The following SPTLC1 variants were observed in gnomAD, a reference collection of about 807,000 sequenced individuals.
SPTLC1 encodes serine palmitoyltransferase long chain base subunit 1.
SPTLC1 carries 55 observed loss-of-function variants against 68.9 expected under a neutral mutation model. The observed-to-expected ratio is 0.80, with a 90% CI of 0.64 to 1.00. The LOEUF (loss-of-function observed/expected upper bound fraction) is 1.00. SPTLC1 is among the 50% of genes least tolerant of loss of function. The probability of loss-of-function intolerance (pLI) is 0.00; values close to 1 mark genes in which losing one functional copy is unlikely to be tolerated. For synonymous variants in SPTLC1, 197 were observed against 201.6 expected, an observed-to-expected ratio of 0.98 and a Z score of 0.19; for missense variants, 449 against 573.1, an observed-to-expected ratio of 0.78 and a Z score of 2.21.
chr9:92,093,916 T>C (rs1262498694), intron 3 of SPTLC1, among the ~76,000 whole-genome samples: 1 of 152,192 alleles, frequency 6.6e-6, no homozygotes, highest in Non-Finnish European at 1.5e-5. Flanking sequence ...TCATGAGAAC[T>C]GTGTACATAC....
At chr9:92,081,743 G>T (rs772292193) in intron 3 of SPTLC1, among the ~76,000 whole-genome samples, 2 of 152,152 alleles carry the variant, frequency 1.3e-5, no homozygotes, top group Non-Finnish European at 2.9e-5. Flanking sequence ...AAATAGAACG[G>T]AAAAGAAAAT....
At chr9:92,055,228 T>C in intron 8 of SPTLC1, 177 bp downstream of exon 8, 1 of 985,384 alleles carries the variant, frequency 1.0e-6, no homozygotes, top group Non-Finnish European at 1.2e-6. Flanking sequence ...TGATTACTCT[T>C]TGAAGGCCAG....
At chr9:92,057,430 G>T (rs1164135411) in intron 7 of SPTLC1, among the ~76,000 whole-genome samples, 5 of 152,204 alleles carry the variant, frequency 3.3e-5, no homozygotes, top group Admixed American at 3.3e-4. Flanking sequence ...GAAAGGCAGT[G>T]CCAATTTAAA....
At chr9:92,041,787 T>C (rs1833356877) in intron 12 of SPTLC1, among the ~76,000 whole-genome samples, 1 of 152,224 alleles carries the variant, frequency 6.6e-6, no homozygotes, top group Admixed American at 6.5e-5. Flanking sequence ...AACGGTTTTC[T>C]CAAGAATGCA....
intron 7 of SPTLC1, among the ~76,000 whole-genome samples, chr9:92,058,595 G>T (rs1444716256): frequency 1.3e-5 from 2 of 152,090 alleles, no homozygotes; most frequent in African/African-American, 4.8e-5. Flanking sequence ...CCATCACCTG[G>T]GTTATGTTAG....
intron 3 of SPTLC1, among the ~76,000 whole-genome samples, chr9:92,090,001 TA>T (rs1442727689): frequency 6.6e-6 from 1 of 152,176 alleles, no homozygotes; most frequent in Non-Finnish European, 1.5e-5. Flanking sequence ...GGAGGTAAAA[TA>T]AAAACATTTC....
At chr9:92,069,577 G>T (rs1056324925) in intron 5 of SPTLC1, among the ~76,000 whole-genome samples, 1 of 152,174 alleles carries the variant, frequency 6.6e-6, no homozygotes, top group Non-Finnish European at 1.5e-5. Flanking sequence ...GATGCTATCA[G>T]AAAAGGTTTC....
At chr9:92,033,483 G>C (rs1311307962) in intron 14 of SPTLC1, among the ~76,000 whole-genome samples, 1 of 152,118 alleles carries the variant, frequency 6.6e-6, no homozygotes, top group African/African-American at 2.4e-5. Flanking sequence ...GAGTCCTGAG[G>C]GCACAAAACC....
chr9:92,077,836 CTCCAATTCT>C (rs1834738301), intron 5 of SPTLC1, among the ~76,000 whole-genome samples: 1 of 152,166 alleles, frequency 6.6e-6, no homozygotes, highest in African/African-American at 2.4e-5. Context: ...GCAAGGTACT[CTCCAATTCT>C]TCCACCCTGA....
intron 3 of SPTLC1, among the ~76,000 whole-genome samples, chr9:92,105,881 C>T (rs1407682024): frequency 4.0e-5 from 6 of 149,036 alleles, no homozygotes; most frequent in Non-Finnish European, 8.9e-5. Flanking sequence ...TCTGCCTTGC[C>T]GCCGTCCTGT....
At chr9:92,089,953 A>T (rs148577224) in intron 3 of SPTLC1, among the ~76,000 whole-genome samples, 64 of 152,360 alleles carry the variant, frequency 4.2e-4, no homozygotes, top group Middle Eastern at 3.4e-3. Flanking sequence ...GCAAATAATG[A>T]TCCACTTAGA....
chr9:92,072,751 C>A (rs975979930), intron 5 of SPTLC1, among the ~76,000 whole-genome samples: 2 of 152,016 alleles, frequency 1.3e-5, no homozygotes, highest in African/African-American at 4.8e-5. Context: ...CTCTATTTTG[C>A]GGGACTTAGA....
intron 5 of SPTLC1, among the ~76,000 whole-genome samples, chr9:92,073,178 T>C (rs1834559105): frequency 6.6e-6 from 1 of 152,186 alleles, no homozygotes; most frequent in Admixed American, 6.5e-5. Flanking sequence ...TCTCTATATC[T>C]GACCTTTCCC....
At chr9:92,032,603 C>T (rs372893288) in intron 14 of SPTLC1, 45 bp from the exon 15 acceptor site, 88 of 1,612,752 alleles carry the variant, frequency 5.5e-5, no homozygotes, top group East Asian at 4.5e-5. Context: ...GTGGGCCAGG[C>T]GCAGTGGCTC....
At chr9:92,074,308 C>A (rs971444742) in intron 5 of SPTLC1, among the ~76,000 whole-genome samples, 1 of 152,066 alleles carries the variant, frequency 6.6e-6, no homozygotes, top group Non-Finnish European at 1.5e-5. Flanking sequence ...AACTCTGGTA[C>A]CAAATCAGGC....
intron 12 of SPTLC1, among the ~76,000 whole-genome samples, chr9:92,041,390 T>C (rs980667333): frequency 3.4e-4 from 52 of 152,118 alleles, no homozygotes; most frequent in African/African-American, 1.1e-3. Context: ...AATGAGACAG[T>C]GCATAAAAAT....
chr9:92,056,202 A>G (rs1049403946), intron 7 of SPTLC1, among the ~76,000 whole-genome samples: 3 of 152,160 alleles, frequency 2.0e-5, no homozygotes, highest in South Asian at 4.1e-4. Context: ...AGCTTGTCCA[A>G]TGATGTTCCC....
chr9:92,031,934 T>C lies in SPTLC1; in HGVS notation c.*531A>G, dbSNP rs1413419800. 2.7e-5 allele frequency: 6 copies of C among 219,918 alleles called. No homozygotes were observed. Among genetic ancestry groups the C allele is most frequent in the Admixed American group, 5.2e-5 (1 of 19,104 alleles). 13.6% of individuals were successfully genotyped at this position (219,918 alleles called of 1,614,324 possible). On this transcript the variant is annotated 3_prime_UTR_variant, in exon 15 of 15. Coordinates refer to ENST00000262554, the MANE Select transcript of SPTLC1 (RefSeq NM_006415.4). Reference sequence around the variant, plus strand: ...ATAATAATCACACAAAAAGTGTTCCTTTTAGCCACCATTTAGCTTCACACA... The same window carrying C: ...ATAATAATCACACAAAAAGTGTTCCCTTTAGCCACCATTTAGCTTCACACA...
intron 8 of SPTLC1, among the ~76,000 whole-genome samples, chr9:92,054,593 T>C (rs1269258980): frequency 6.6e-6 from 1 of 152,186 alleles, no homozygotes; most frequent in African/African-American, 2.4e-5. Context: ...TTTTATACGT[T>C]GATTTCACCT....
Sources: allele counts gnomAD v4.1 joint callset (sites outside exome capture counted in the v4.1 genomes callset), GRCh38; gene constraint gnomAD v4.1.1; transcripts MANE v1.5; gene names NCBI Gene and HGNC (gene_info 2026-07-23, HGNC 2026-07-21).